The following HSPG2 variants were observed in gnomAD, a reference collection of about 807,000 sequenced individuals.
HSPG2 encodes the protein basement membrane-specific heparan sulfate proteoglycan core protein.
Under a neutral mutation model 526.6 loss-of-function variants are expected in HSPG2, and 278 were observed. The ratio of observed to expected loss-of-function variants is 0.53; its 90% confidence interval spans 0.48 to 0.58. The LOEUF is 0.58. Ranked by LOEUF, HSPG2 falls within the 20% of genes least tolerant of loss-of-function variation. The pLI is 0.00. For synonymous variants in HSPG2, 2,465 were observed against 2,555.4 expected (o/e 0.96, Z 1.07); for missense variants, 5,354 against 6,099.5 (o/e 0.88, Z 4.07).
chr1:21,902,238 C>T (rs962456171), intron 1 of HSPG2, among the ~76,000 whole-genome samples: 5 of 152,210 alleles, frequency 3.3e-5, no homozygotes, highest in Non-Finnish European at 7.3e-5. Flanking sequence ...TGGCCACAGC[C>T]TCCTCTGGCA....
rs373773624 is a variant in HSPG2, at chr1:21,823,398, C to A, written c.13094G>T (p.Arg4365Leu). Residue 4365 changes from arginine to leucine, a missense_variant, in exon 97 of 97, where the codon CGA (arginine) becomes CTA (leucine). By Grantham distance (102) the Arg-to-Leu change is moderately radical (BLOSUM62 -2). Coordinates refer to ENST00000374695, the MANE Select transcript of HSPG2 (RefSeq NM_005529.7). Reference protein sequence around the residue: ...CVKNLVLHSARPGAPPPQPLD... With the variant: ...CVKNLVLHSALPGAPPPQPLD... ...GGGCTGTGGGGGCGGGGCGCCGGGT[C>A]GGGCCGAGTGCAGCACCAGGTTCTT... 32 of 1,565,548 alleles carry A rather than the reference C, an allele frequency of 2.0e-5. No individual in the cohort carries two copies. The highest frequency in any genetic ancestry group is 2.4e-5 in the Non-Finnish European group (28 of 1,160,392).
chr1:21,875,838 AC>A lies in HSPG2; in HGVS notation c.3183+24del, dbSNP rs146439948. 8,339 of 1,612,838 alleles carry A rather than the reference AC, an allele frequency of 5.2e-3. 418 individuals carry two copies. In the African/African-American group the frequency reaches 0.098, roughly 19 times the overall value. On this transcript the variant is annotated intron_variant, in intron 24 of 96. Coordinates refer to ENST00000374695, the MANE Select transcript of HSPG2 (RefSeq NM_005529.7). ...GGAGCAAGGGCCTGCCCGCACCCCT[AC>A]CCCCAGGGGACAGTATTGCTCACCT...
At position 21,881,474 on chromosome 1, in the gene HSPG2, G is replaced by C. The variant is rs779806460; in HGVS notation, c.1683C>G (p.Pro561=). The C allele has an allele frequency of 1.2e-6, 2 of 1,612,680 alleles. No homozygotes were observed. Among genetic ancestry groups the C allele is most frequent in the Non-Finnish European group, 1.7e-6 (2 of 1,179,982 alleles). Residue 561 remains proline (P), a synonymous_variant, in exon 14 of 97, where the codon CCC becomes CCG. Transcript: ENST00000374695. ...KGVNVTMPAQ[P]GTPPLSSTQL... is the part of the protein sequence containing the mutation. The stretch of plus-strand genomic sequence containing the variant: ...GCGTGGAGGAGAGGGGTGGCGTGCC[G>C]GGCTGCGCAGGCATTGTCACATTCA...
Position 21,887,278 on chromosome 1 carries a change from G to T in HSPG2, c.1015C>A (p.Leu339Ile), listed in dbSNP as rs1641971707. 1.2e-6 allele frequency: 2 copies of T among 1,614,014 alleles called. No individual in the cohort carries two copies. The highest frequency in any genetic ancestry group is 1.7e-6 in the Non-Finnish European group (2 of 1,179,958). ...TCACCATCGCAGCGCCACAGCTTGA[G>T]GGCACAATGTCCATTCCCGCAGGGG... ...EFPCGNGHCA[L>I]KLWRCDGDFD... The change falls in exon 9 of 97, where the codon CTC (leucine) becomes ATC (isoleucine). Residue 339 changes from leucine (L) to isoleucine (I), a missense_variant. Coordinates refer to ENST00000374695, the MANE Select transcript of HSPG2 (RefSeq NM_005529.7). The surrounding 1 kb of genome is among the most constrained non-coding windows in gnomAD (Gnocchi z 5.0).
At chr1:21,868,363 T>G (rs1382396484) in intron 33 of HSPG2, among the ~76,000 whole-genome samples, 3 of 152,144 alleles carry the variant, frequency 2.0e-5, no homozygotes, top group African/African-American at 4.8e-5. Flanking sequence ...TAAGAGGTAC[T>G]TGAAATTGTT....
In HSPG2 at chr1:21,876,495, C is replaced by T. The variant is rs771223089; in HGVS notation, c.2826+17G>A. On this transcript the variant is annotated intron_variant, in intron 22 of 96. Transcript: ENST00000374695. ...CCCAGGGCTTGGCGGTCCTGCCCGC[C>T]CACCTTGCAGAGGTACCTGGGCACG... is the stretch of plus-strand genomic sequence containing the variant. 1.2e-6 allele frequency: 2 copies of T among 1,613,908 alleles called. No individual in the cohort carries two copies. The highest frequency in any genetic ancestry group is 3.3e-5 in the Admixed American group (2 of 60,016).
intron 30 of HSPG2, 100 bp from the exon 31 acceptor site, chr1:21,873,191 A>G (rs181051110): frequency 8.4e-7 from 1 of 1,185,288 alleles, no homozygotes; most frequent in East Asian, 2.3e-5. Context: ...CTGATTTCTG[A>G]TGTGAGTACT....
chr1:21,829,976 G>A lies in HSPG2; in HGVS notation c.11770+17C>T. On this transcript the variant is annotated intron_variant, in intron 86 of 96. Transcript: ENST00000374695. ...TGACACTAGGACCCTGGGGGTCTCA[G>A]GCCTGGCTCCCCTCACCTTCCTCAC... is the stretch of plus-strand genomic sequence containing the variant. 1 of 1,593,676 alleles carries A rather than the reference G, an allele frequency of 6.3e-7. No individual in the cohort carries two copies. Among genetic ancestry groups the A allele is most frequent in the Non-Finnish European group, 8.5e-7 (1 of 1,169,740 alleles).
chr1:21,857,157 G>A lies in HSPG2; in HGVS notation c.5433C>T (p.Asn1811=), dbSNP rs140134749. 1.5e-3 allele frequency: 2,394 copies of A among 1,614,148 alleles called. 3 individuals are homozygous for A. The highest frequency in any genetic ancestry group is 1.8e-3 in the Non-Finnish European group (2,113 of 1,180,024). ...AYTLVWTRLH[N]GKLPTRAMDF... ...CCATGGCTCGGGTGGGCAGTTTCCCGTTGTGCAGGCGGGTCCACACCAGGG... is the reference window on the plus strand; with the variant it reads ...CCATGGCTCGGGTGGGCAGTTTCCCATTGTGCAGGCGGGTCCACACCAGGG... Residue 1811 remains asparagine (N), a synonymous_variant, in exon 44 of 97, where the codon AAC becomes AAT. Transcript: ENST00000374695.
intron 63 of HSPG2, 21 bp from the exon 64 acceptor site, chr1:21,846,276 A>G: frequency 1.9e-6 from 3 of 1,612,930 alleles, no homozygotes; most frequent in Non-Finnish European, 2.5e-6. Flanking sequence ...GACAGGACAG[A>G]GGAACAGAGT....
In HSPG2 at chr1:21,875,868, G is replaced by A. The variant is rs779360555; in HGVS notation, c.3178C>T (p.Arg1060Trp). The A allele has an allele frequency of 5.6e-6, 9 of 1,613,882 alleles. No homozygotes were observed. Among genetic ancestry groups the A allele is most frequent in the African/African-American group, 4.0e-5 (3 of 74,952 alleles). ...CAGGGGACAGTATTGCTCACCTCCC[G>A]GAAAGGCACAATGAAGGTGCTGGGC... is the stretch of plus-strand genomic sequence containing the variant. ...GQPSTFIVPF[R>W]EQAWQRPDGQ... Residue 1060 changes from arginine to tryptophan, a missense_variant, in exon 24 of 97, where the codon CGG becomes TGG. Physicochemically the swap from Arg to Trp is moderately radical, Grantham distance 101. Transcript: ENST00000374695.
rs1206310018 is a variant in HSPG2 at position 21,850,026 on chromosome 1, G to A, written c.7446+15C>T. ...CTACAGGGTCCTTCAGGCTTCCTGAGCTCCTGCCTCCTACCTGGTGCCGGG... is the reference window on the plus strand; with the variant it reads ...CTACAGGGTCCTTCAGGCTTCCTGAACTCCTGCCTCCTACCTGGTGCCGGG... On this transcript the variant is annotated intron_variant, in intron 57 of 96. Coordinates refer to ENST00000374695, the MANE Select transcript of HSPG2 (RefSeq NM_005529.7). 2 of 1,612,350 alleles carry A rather than the reference G, an allele frequency of 1.2e-6. No homozygotes were observed. Among genetic ancestry groups the A allele is most frequent in the African/African-American group, 1.3e-5 (1 of 74,922 alleles).
chr1:21,853,095 G>A lies in HSPG2; in HGVS notation c.6440-25C>T, dbSNP rs144871121. 1.5e-4 allele frequency: 245 copies of A among 1,613,260 alleles called. 2 individuals carry two copies. Among genetic ancestry groups the A allele is most frequent in the Non-Finnish European group, 3.4e-5 (40 of 1,179,828 alleles). On this transcript the variant is annotated intron_variant, in intron 50 of 96. Transcript: ENST00000374695. ...ACTGGACACAGAGCGGCTGCTCAGA[G>A]GCCTGAACTCTTGGGCTGTAACCTG...
At chr1:21,912,303 A>G (rs1643721434) in intron 1 of HSPG2, among the ~76,000 whole-genome samples, 1 of 152,150 alleles carries the variant, frequency 6.6e-6, no homozygotes, top group Admixed American at 6.5e-5. Flanking sequence ...AGGACAACCT[A>G]AGTGCTAGTA....
intron 83 of HSPG2, 22 bp from the exon 84 acceptor site, chr1:21,831,346 T>G (rs746180947): frequency 6.2e-7 from 1 of 1,610,652 alleles, no homozygotes; most frequent in East Asian, 2.2e-5. Flanking sequence ...GTGGGCAGGA[T>G]GAGCACAGGG....
At position 21,855,911 on chromosome 1, in the gene HSPG2, G is replaced by A. The variant is rs368537169; in HGVS notation, c.5577C>T (p.Ala1859=). 1.2e-6 allele frequency: 2 copies of A among 1,608,478 alleles called. No homozygotes were observed. The highest frequency in any genetic ancestry group is 1.3e-5 in the African/African-American group (1 of 74,928). The part of the protein sequence containing the change: ...DQGTATLHVQ[A]SGTLSAPVVS... ...CCACGGGGGCGGACAAGGTGCCCGAGGCTGACAAGGGAGGAAAAGGAACAT... is the reference window on the plus strand; with the variant it reads ...CCACGGGGGCGGACAAGGTGCCCGAAGCTGACAAGGGAGGAAAAGGAACAT... Residue 1859 remains alanine (A), a splice_region_variant and synonymous_variant, in exon 45 of 97, where the codon GCC becomes GCT. Coordinates refer to ENST00000374695, the MANE Select transcript of HSPG2 (RefSeq NM_005529.7).
At position 21,847,653 on chromosome 1, in the gene HSPG2, T is replaced by C; in HGVS notation, c.8025+36A>G. 6.2e-7 allele frequency: 1 copy of C among 1,601,122 alleles called. No individual in the cohort carries two copies. The highest frequency in any genetic ancestry group is 8.5e-7 in the Non-Finnish European group (1 of 1,174,028). ...CTGCTCTGCTCACCCCAGGAGACCA[T>C]GGTTCCACCCCCGCTGCTGTGGCTC... On this transcript the variant is annotated intron_variant, in intron 61 of 96. Coordinates refer to ENST00000374695, the MANE Select transcript of HSPG2 (RefSeq NM_005529.7). This position sits in a 1 kb window ranked among gnomAD's most constrained non-coding sequence, Gnocchi z 4.1.
chr1:21,874,191 T>C (rs187407649), intron 28 of HSPG2, among the ~76,000 whole-genome samples, 180 bp from the exon 29 acceptor site: 21 of 152,288 alleles, frequency 1.4e-4, no homozygotes, highest in African/African-American at 5.1e-4. Flanking sequence ...CATTCAACTC[T>C]CACACAAGGG....
intron 29 of HSPG2, 55 bp from the exon 30 acceptor site, chr1:21,873,479 G>C (rs891317497): frequency 7.5e-5 from 118 of 1,562,972 alleles, no homozygotes; most frequent in Non-Finnish European, 1.8e-5. Flanking sequence ...CAGAACCCCA[G>C]GGCTGGGCTG....
Sources: gnomAD v4.1 joint callset for allele counts (sites outside exome capture counted in the v4.1 genomes callset) on GRCh38, gnomAD v4.1.1 for gene constraint, Gnocchi (gnomAD v3.1) non-coding constraint, MANE v1.5 for transcripts, NCBI Gene and HGNC (gene_info 2026-07-23, HGNC 2026-07-21) for gene names.